ARHGEF10L: variants seen among roughly 807,000 people sequenced by gnomAD.
ARHGEF10L encodes Rho guanine nucleotide exchange factor 10 like.
Under a neutral mutation model 141.2 loss-of-function variants are expected in ARHGEF10L, and 69 were observed. That is an observed-to-expected ratio of 0.49 (90% confidence interval 0.40 to 0.60). ARHGEF10L has a LOEUF of 0.60. Ranked by LOEUF, ARHGEF10L falls within the 20% of genes least tolerant of loss-of-function variation. The pLI is 0.00. For synonymous variants in ARHGEF10L, 711 were observed against 718.5 expected (o/e 0.99, Z 0.17); for missense variants, 1,482 against 1,734.3 (o/e 0.85, Z 2.58).
At chr1:17,677,067 T>A (rs2063769768) in intron 26 of ARHGEF10L, among the ~76,000 whole-genome samples, 1 of 152,076 alleles carries the variant, frequency 6.6e-6, no homozygotes, top group African/African-American at 2.4e-5. Context: ...TCCATGAGGT[T>A]TGCTGAGTGA....
intron 15 of ARHGEF10L, among the ~76,000 whole-genome samples, chr1:17,628,197 G>T (rs2060489674): frequency 6.6e-6 from 1 of 152,048 alleles, no homozygotes; most frequent in South Asian, 2.1e-4. Flanking sequence ...AATTAGCCAG[G>T]CATGGTGGCA....
At chr1:17,676,436 A>T (rs1441345180) in intron 26 of ARHGEF10L, among the ~76,000 whole-genome samples, 1 of 149,830 alleles carries the variant, frequency 6.7e-6, no homozygotes, top group African/African-American at 2.4e-5. Flanking sequence ...GCATGGGTGC[A>T]GGTGTGGGTG....
intron 4 of ARHGEF10L, among the ~76,000 whole-genome samples, chr1:17,589,470 G>A (rs563445302): frequency 1.3e-5 from 2 of 152,186 alleles, no homozygotes; most frequent in Non-Finnish European, 2.9e-5. Flanking sequence ...GTCTTCCTGG[G>A]GTGCCCCAAA....
intron 1 of ARHGEF10L, among the ~76,000 whole-genome samples, chr1:17,575,360 T>C (rs1454725783): frequency 6.6e-6 from 1 of 152,230 alleles, no homozygotes; most frequent in Non-Finnish European, 1.5e-5. Context: ...TGGAAACCAC[T>C]GTGTGAAATG....
intron 1 of ARHGEF10L, among the ~76,000 whole-genome samples, chr1:17,562,949 A>G (rs2077600723): frequency 1.3e-5 from 2 of 152,102 alleles, no homozygotes; most frequent in South Asian, 4.1e-4. Flanking sequence ...CCATCTGACC[A>G]GGGCAAGAGG....
the ARHGEF10L span, among the ~76,000 whole-genome samples, chr1:17,514,125 C>CTTTTTTTTT: frequency 2.5e-5 from 1 of 40,478 alleles, no homozygotes; most frequent in African/African-American, 1.0e-4. Flanking sequence ...CACCCAGCCT[C>CTTTTTTTTT]TTTTTTTTTT....
chr1:17,689,465 C>G (rs2102528134), intron 27 of ARHGEF10L, among the ~76,000 whole-genome samples: 2 of 99,688 alleles, frequency 2.0e-5, no homozygotes, highest in Admixed American at 1.1e-4. Context: ...CTCTCTCCCT[C>G]CCTCCCTGCC....
Position 17,607,117 on chromosome 1 carries a change from A to G in ARHGEF10L, c.434-685A>G, listed in dbSNP as rs1570851377. 6.6e-6 allele frequency among the ~76,000 whole-genome samples: 1 copy of G among 152,266 alleles called. No homozygotes were observed. The highest frequency in any genetic ancestry group is 1.9e-4 in the East Asian group (1 of 5,168). On this transcript the variant is annotated intron_variant, in intron 6 of 28. Transcript: ENST00000361221. This position sits in a 1 kb window ranked among gnomAD's most constrained non-coding sequence, Gnocchi z 4.5. Reference sequence around the variant, plus strand: ...AACAATCTCTGTTTCATTCCTGAGGATGCTGAGGGCCTGAGCCAGGACTTG... The same window carrying G: ...AACAATCTCTGTTTCATTCCTGAGGGTGCTGAGGGCCTGAGCCAGGACTTG...
At chr1:17,516,792 A>G in the ARHGEF10L span, among the ~76,000 whole-genome samples, 1 of 152,138 alleles carries the variant, frequency 6.6e-6, no homozygotes. Context: ...GTCCCCGCCA[A>G]CGAAGAGGTC....
chr1:17,530,319 C>T, the ARHGEF10L span, among the ~76,000 whole-genome samples: 1 of 152,202 alleles, frequency 6.6e-6, no homozygotes, highest in African/African-American at 2.4e-5. Context: ...AACCCTGGCA[C>T]CCCCACTTAA....
intron 15 of ARHGEF10L, among the ~76,000 whole-genome samples, chr1:17,629,640 G>A (rs2060571167): frequency 6.6e-6 from 1 of 152,124 alleles, no homozygotes; most frequent in Admixed American, 6.5e-5. Context: ...CATCCACGTG[G>A]CTCAGGTTGG....
In ARHGEF10L at chr1:17,654,339, G is replaced by T. The variant is rs1029861001; in HGVS notation, c.2395-297G>T. ...ATTTCCCTGTTTGTAAAATAAGGAG[G>T]GGTGGGTGGCTTTCAAGAAATCTTA... On this transcript the variant is annotated intron_variant, in intron 22 of 28. Transcript: ENST00000361221. This position sits in a 1 kb window ranked among gnomAD's most constrained non-coding sequence, Gnocchi z 4.3. Among the ~76,000 whole-genome samples, 3 of 152,276 alleles carry T rather than the reference G, an allele frequency of 2.0e-5. No individual in the cohort carries two copies. The highest frequency in any genetic ancestry group is 4.1e-4 in the South Asian group (2 of 4,828).
rs1016034037 is a variant in ARHGEF10L, at chr1:17,603,325, C to T, written c.350-183C>T. Among the ~76,000 whole-genome samples, 1 of 48,242 alleles carries T rather than the reference C, an allele frequency of 2.1e-5. No individual in the cohort carries two copies. The highest frequency in any genetic ancestry group is 9.4e-5 in the African/African-American group (1 of 10,598). The allele number at this position is 48,242 out of a possible 152,430, so 31.6% of individuals were successfully genotyped here. ...AGGGCGCCTTGGAGGGGGTGGGGGG[C>T]GGGGAGAAGCGAGGGAGCCGGCATC... On this transcript the variant is annotated intron_variant, in intron 5 of 28. Coordinates refer to ENST00000361221, the MANE Select transcript of ARHGEF10L (RefSeq NM_018125.4). This position sits in a 1 kb window ranked among gnomAD's most constrained non-coding sequence, Gnocchi z 4.8.
chr1:17,553,078 C>G (rs1351295535), intron 1 of ARHGEF10L, among the ~76,000 whole-genome samples: 1 of 152,224 alleles, frequency 6.6e-6, no homozygotes, highest in African/African-American at 2.4e-5. Flanking sequence ...CCTGGCTCAT[C>G]ATCTTTCAGC....
At chr1:17,518,810 AAAAAAAAAAAAAAAAGAAAG>A in the ARHGEF10L span, among the ~76,000 whole-genome samples, 7 of 115,806 alleles carry the variant, frequency 6.0e-5, no homozygotes. Context: ...CTCAAAAAAA[AAAAAAAAAAAAAAAAGAAAG>A]AAAGAAAAAA....
intron 4 of ARHGEF10L, among the ~76,000 whole-genome samples, chr1:17,600,029 G>T (rs1319194682): frequency 6.6e-6 from 1 of 152,200 alleles, no homozygotes; most frequent in African/African-American, 2.4e-5. Context: ...TATCTGAGAG[G>T]CAGTGGAGGG....
chr1:17,673,064 C>T lies in ARHGEF10L; in HGVS notation c.3009+8469C>T, dbSNP rs2063423632. Among the ~76,000 whole-genome samples, 1 of 152,074 alleles carries T rather than the reference C, an allele frequency of 6.6e-6. No homozygotes were observed. The highest frequency in any genetic ancestry group is 1.5e-5 in the Non-Finnish European group (1 of 68,024). On this transcript the variant is annotated intron_variant, in intron 26 of 28. Transcript: ENST00000361221. This position sits in a 1 kb window ranked among gnomAD's most constrained non-coding sequence, Gnocchi z 4.1. ...TTCATGATTTTAAAAAGAAGTTGGT[C>T]GCTGATGGCTCAGGGAACAGGCTTG... is the stretch of plus-strand genomic sequence containing the variant.
At chr1:17,569,685 C>T (rs1285351321) in intron 1 of ARHGEF10L, among the ~76,000 whole-genome samples, 1 of 152,172 alleles carries the variant, frequency 6.6e-6, no homozygotes, top group Non-Finnish European at 1.5e-5. Flanking sequence ...CACCGGTGCC[C>T]AGCCTTGCTC....
chr1:17,634,918 T>G lies in ARHGEF10L; in HGVS notation c.1829T>G (p.Val610Gly). ...AACACGGCGCTGCCCCAGGTGCAGG[T>G]GGTGGAGGTGGGCCAGGACGGTGGC... ...KWNTALPQVQ[V>G]VEVGQDGGTY... The change falls in exon 18 of 29, where the codon GTG (valine) becomes GGG (glycine). Residue 610 changes from valine (V) to glycine (G), a missense_variant. Physicochemically the swap from Val to Gly is moderately radical, Grantham distance 109. Around this residue, in one of 3 missense-constraint regions of ARHGEF10L, gnomAD observed 858 missense variants for 966.3 expected, o/e 0.89. Transcript: ENST00000361221. 1.2e-6 allele frequency: 2 copies of G among 1,614,046 alleles called. No individual in the cohort carries two copies. Among genetic ancestry groups the G allele is most frequent in the Non-Finnish European group, 1.7e-6 (2 of 1,179,970 alleles).
Sources: allele counts gnomAD v4.1 joint callset (sites outside exome capture counted in the v4.1 genomes callset), GRCh38; gene constraint gnomAD v4.1.1; regional missense constraint gnomAD v4.1.1; non-coding constraint Gnocchi (gnomAD v3.1); transcripts MANE v1.5; gene names NCBI Gene and HGNC (gene_info 2026-07-23, HGNC 2026-07-21).